Variants in HS6ST3 observed in about 807,000 individuals in gnomAD.
HS6ST3 encodes the protein heparan-sulfate 6-O-sulfotransferase 3.
HS6ST3 carries 12 observed loss-of-function variants against 36.7 expected under a neutral mutation model. That is an observed-to-expected ratio of 0.33 (90% CI 0.21 to 0.53). HS6ST3 has a LOEUF of 0.53. Among genes scored for constraint, HS6ST3 ranks in the 20% least tolerant of loss-of-function variants. The pLI is 0.95. For missense variants in HS6ST3, 584 were observed against 640.9 expected (o/e 0.91, Z 0.96); for synonymous variants, 240 against 257.5 (o/e 0.93, Z 0.65).
intron 1 of HS6ST3, among the ~76,000 whole-genome samples, chr13:96,096,346 G>GCTCA (rs1566880880): frequency 6.6e-6 from 1 of 152,136 alleles, no homozygotes; most frequent in Admixed American, 6.5e-5. Context: ...ACTCTGTGAT[G>GCTCA]CTCACTCTCA....
At chr13:96,176,731 A>T (rs1051119585) in intron 1 of HS6ST3, among the ~76,000 whole-genome samples, 1 of 152,180 alleles carries the variant, frequency 6.6e-6, no homozygotes, top group African/African-American at 2.4e-5. Flanking sequence ...GCAAAAAGAG[A>T]TGGAAAGAAG....
chr13:96,480,654 T>C (rs1298999411), intron 1 of HS6ST3, among the ~76,000 whole-genome samples: 1 of 152,190 alleles, frequency 6.6e-6, no homozygotes, highest in African/African-American at 2.4e-5. Context: ...TTTTTGTACA[T>C]CACTGGGTTC....
chr13:96,267,383 A>C (rs763987606), intron 1 of HS6ST3, among the ~76,000 whole-genome samples: 1 of 152,132 alleles, frequency 6.6e-6, no homozygotes, highest in Non-Finnish European at 1.5e-5. Flanking sequence ...AACCATTCTA[A>C]ATCTTTTAGA....
At chr13:96,154,097 C>G (rs375575582) in intron 1 of HS6ST3, among the ~76,000 whole-genome samples, 28 of 151,892 alleles carry the variant, frequency 1.8e-4, no homozygotes, top group South Asian at 6.2e-4. Flanking sequence ...CTATCGGGCA[C>G]TTAGTGATTT....
chr13:96,259,242 G>T (rs1406371270), intron 1 of HS6ST3, among the ~76,000 whole-genome samples: 1 of 152,096 alleles, frequency 6.6e-6, no homozygotes, highest in African/African-American at 2.4e-5. Flanking sequence ...AACTCAGGTG[G>T]TGGCAAATCA....
At chr13:96,344,787 C>T (rs2055145935) in intron 1 of HS6ST3, among the ~76,000 whole-genome samples, 1 of 152,158 alleles carries the variant, frequency 6.6e-6, no homozygotes, top group South Asian at 2.1e-4. Flanking sequence ...TTCAGGAATA[C>T]TATCCTAGGA....
intron 1 of HS6ST3, among the ~76,000 whole-genome samples, chr13:96,125,181 CA>C (rs1218189822): frequency 1.3e-5 from 2 of 152,048 alleles, no homozygotes; most frequent in African/African-American, 4.8e-5. Flanking sequence ...GCCGTTAAAT[CA>C]AAGATAAAGA....
chr13:96,571,554 T>G (rs2138962303), intron 1 of HS6ST3, among the ~76,000 whole-genome samples: 1 of 152,342 alleles, frequency 6.6e-6, no homozygotes, highest in African/African-American at 2.4e-5. Flanking sequence ...ATCATGCATA[T>G]GTTTCTCTGT....
chr13:96,337,843 C>A (rs751977615), intron 1 of HS6ST3, among the ~76,000 whole-genome samples: 35 of 151,568 alleles, frequency 2.3e-4, no homozygotes, highest in Non-Finnish European at 4.6e-4. Context: ...TATAATTTAT[C>A]CCCTAGAGTC....
intron 1 of HS6ST3, among the ~76,000 whole-genome samples, chr13:96,577,421 A>AGG (rs2056325876): frequency 6.6e-6 from 1 of 152,126 alleles, no homozygotes; most frequent in South Asian, 2.1e-4. Context: ...TCCTTGATGT[A>AGG]GATTTAGGTT....
In HS6ST3 at chr13:96,466,886, C is replaced by T. The variant is rs560735349; in HGVS notation, c.708-365604C>T. Among the ~76,000 whole-genome samples, 3 of 152,330 alleles carry T rather than the reference C, an allele frequency of 2.0e-5. No homozygotes were observed. In the South Asian group the frequency reaches 6.2e-4, roughly 32 times the overall value. ...TGTATATGTGTGCCATAAGAAAACT[C>T]TTTGGTCACAGTAGAAGATAGTGGG... On this transcript the variant is annotated intron_variant, in intron 1 of 1. Transcript: ENST00000376705.
chr13:96,503,912 A>T (rs1449769204), intron 1 of HS6ST3, among the ~76,000 whole-genome samples: 3 of 152,118 alleles, frequency 2.0e-5, no homozygotes, highest in Non-Finnish European at 2.9e-5. Context: ...GTGTCCCATG[A>T]GGGGTTCTCT....
chr13:96,730,001 AGAAAACAATG>A (rs1038538453), intron 1 of HS6ST3, among the ~76,000 whole-genome samples: 8 of 152,226 alleles, frequency 5.3e-5, no homozygotes. Flanking sequence ...TCCTTTATGT[AGAAAACAATG>A]GTTTTTAACA....
chr13:96,402,248 T>C (rs1925125), intron 1 of HS6ST3, among the ~76,000 whole-genome samples: 136,116 of 152,232 alleles, frequency 0.89, 61,131 homozygotes, highest in South Asian at 0.94. Context: ...GTTATTTAGC[T>C]CCTCAGATTC....
chr13:96,580,572 A>C (rs1322774838), intron 1 of HS6ST3, among the ~76,000 whole-genome samples: 1 of 151,906 alleles, frequency 6.6e-6, no homozygotes, highest in Non-Finnish European at 1.5e-5. Context: ...TTGACTTTGA[A>C]CCTTTTAAAA....
chr13:96,289,744 A>G (rs1394459804), intron 1 of HS6ST3, among the ~76,000 whole-genome samples: 1 of 152,200 alleles, frequency 6.6e-6, no homozygotes, highest in Non-Finnish European at 1.5e-5. Context: ...GGCAGATGCT[A>G]CAAAGACAGT....
chr13:96,441,465 C>G (rs2055670913), intron 1 of HS6ST3, among the ~76,000 whole-genome samples: 1 of 151,980 alleles, frequency 6.6e-6, no homozygotes. Flanking sequence ...CACCCATGAA[C>G]ACAGAGACAC....
Position 96,313,239 on chromosome 13 carries a change from T to C in HS6ST3, c.707+221670T>C, listed in dbSNP as rs564029478. On this transcript the variant is annotated intron_variant, in intron 1 of 1. Coordinates refer to ENST00000376705, the MANE Select transcript of HS6ST3 (RefSeq NM_153456.4). ...CTTTCTATTATTTTAGGATTTCCTT[T>C]ATTTTCTTATTGTCTTGCAAACTCA... 7.1e-4 allele frequency among the ~76,000 whole-genome samples: 108 copies of C among 152,148 alleles called. 1 individual carries two copies. Among genetic ancestry groups the C allele is most frequent in the African/African-American group, 2.6e-3 (107 of 41,500 alleles).
intron 1 of HS6ST3, among the ~76,000 whole-genome samples, chr13:96,319,775 G>A (rs2054994680): frequency 6.6e-6 from 1 of 152,188 alleles, no homozygotes; most frequent in South Asian, 2.1e-4. Flanking sequence ...TGCATTTTAG[G>A]ATTTCGTTTT....
Sources: gnomAD v4.1 joint callset for allele counts (sites outside exome capture counted in the v4.1 genomes callset) on GRCh38, gnomAD v4.1.1 for gene constraint, MANE v1.5 for transcripts, NCBI Gene and HGNC (gene_info 2026-07-23, HGNC 2026-07-21) for gene names.